Variants in USH2A observed in about 807,000 individuals in gnomAD.
USH2A encodes the protein Usher syndrome 2A (autosomal recessive, mild).
Under a neutral mutation model 538.9 loss-of-function variants are expected in USH2A, and 443 were observed. The ratio of observed to expected loss-of-function variants is 0.82; its 90% CI spans 0.76 to 0.89. The LOEUF is 0.89. Ranked by LOEUF, USH2A falls within the 40% of genes least tolerant of loss-of-function variation. The probability of loss-of-function intolerance (pLI) is 0.00; values close to 1 mark genes in which losing one functional copy is unlikely to be tolerated. For missense variants in USH2A, 6,633 were observed against 6,324.8 expected (o/e 1.05, Z -1.65); for synonymous variants, 2,413 against 2,273.5 (o/e 1.06, Z -1.75).
chr1:216,068,656 G>C (rs2031458635), intron 30 of USH2A, among the ~76,000 whole-genome samples: 1 of 152,092 alleles, frequency 6.6e-6, no homozygotes. Context: ...AAGAGTCAGG[G>C]TCCAGAGGAC....
chr1:216,379,572 A>T (rs1198147165), intron 3 of USH2A, among the ~76,000 whole-genome samples: 1 of 152,202 alleles, frequency 6.6e-6, no homozygotes, highest in Non-Finnish European at 1.5e-5. Flanking sequence ...TTAGACTTTT[A>T]AACTACCAGG....
chr1:216,178,377 C>T (rs1016054023), intron 20 of USH2A, among the ~76,000 whole-genome samples: 17 of 152,144 alleles, frequency 1.1e-4, no homozygotes, highest in Non-Finnish European at 1.3e-4. Context: ...GTTATGATCT[C>T]ACTTCAAAAT....
intron 44 of USH2A, among the ~76,000 whole-genome samples, chr1:215,856,841 G>C (rs1664184036): frequency 9.9e-6 from 1 of 100,846 alleles, no homozygotes; most frequent in South Asian, 2.9e-4. Context: ...TGGTGTGTGT[G>C]TGTGTGTGTG....
rs370500253 is a variant in USH2A, at chr1:216,065,402, C to T, written c.6049+4699G>A. 3.3e-5 allele frequency among the ~76,000 whole-genome samples: 5 copies of T among 152,188 alleles called. No homozygotes were observed. In the South Asian group the frequency reaches 1.0e-3, roughly 32 times the overall value. ...TGGGGAATATATATTTTTAAAAAAT[C>T]ACACATAGAATATTGAACATTTTAA... On this transcript the variant is annotated intron_variant, in intron 30 of 71. Coordinates refer to ENST00000307340, the MANE Select transcript of USH2A (RefSeq NM_206933.4).
intron 50 of USH2A, among the ~76,000 whole-genome samples, chr1:215,798,187 C>T (rs1458846605): frequency 6.6e-6 from 1 of 152,148 alleles, no homozygotes; most frequent in African/African-American, 2.4e-5. Flanking sequence ...TGAGGAGTTG[C>T]TTCTTAGGGA....
At chr1:215,849,137 G>T (rs193161515) in intron 44 of USH2A, among the ~76,000 whole-genome samples, 2 of 152,180 alleles carry the variant, frequency 1.3e-5, no homozygotes, top group East Asian at 3.9e-4. Flanking sequence ...AAGTTACAAG[G>T]CTTCTTCCTA....
intron 44 of USH2A, among the ~76,000 whole-genome samples, chr1:215,854,558 G>A (rs932784014): frequency 2.0e-5 from 3 of 152,216 alleles, no homozygotes; most frequent in African/African-American, 7.2e-5. Flanking sequence ...AAGTTTCAGA[G>A]TGGAGGTTTA....
intron 21 of USH2A, among the ~76,000 whole-genome samples, chr1:216,166,949 T>C (rs778634613): frequency 6.6e-6 from 1 of 152,100 alleles, no homozygotes; most frequent in Non-Finnish European, 1.5e-5. Context: ...TGACTTTAGA[T>C]GGCTTGAGGG....
intron 43 of USH2A, among the ~76,000 whole-genome samples, chr1:215,867,759 T>G (rs1416084079): frequency 6.6e-6 from 1 of 152,228 alleles, no homozygotes; most frequent in Non-Finnish European, 1.5e-5. Context: ...TTTGCCATAG[T>G]GTGAACATAT....
At chr1:216,339,387 C>A (rs1021021238) in intron 4 of USH2A, among the ~76,000 whole-genome samples, 6 of 151,368 alleles carry the variant, frequency 4.0e-5, no homozygotes, top group Non-Finnish European at 5.9e-5. Flanking sequence ...CAATGTTTGA[C>A]CATTTTTAAT....
At chr1:216,250,772 C>A in intron 12 of USH2A, 131 bp downstream of exon 12, 1 of 932,390 alleles carries the variant, frequency 1.1e-6, no homozygotes. Context: ...TTAATTTCAT[C>A]CAAATTGTTT....
At chr1:215,765,665 T>A (rs1661107386) in intron 56 of USH2A, among the ~76,000 whole-genome samples, 1 of 146,302 alleles carries the variant, frequency 6.8e-6, no homozygotes, top group Admixed American at 6.6e-5. Flanking sequence ...AACACATGGG[T>A]AACCATTGCT....
At chr1:216,284,686 G>A (rs1436446122) in intron 11 of USH2A, among the ~76,000 whole-genome samples, 1 of 152,116 alleles carries the variant, frequency 6.6e-6, no homozygotes, top group Non-Finnish European at 1.5e-5. Context: ...CTCAGAAGAA[G>A]GTAGGAAAAT....
intron 44 of USH2A, among the ~76,000 whole-genome samples, chr1:215,854,455 T>A (rs1281986478): frequency 6.6e-6 from 1 of 152,152 alleles, no homozygotes; most frequent in African/African-American, 2.4e-5. Flanking sequence ...TTCACCACTT[T>A]TATTCAACAT....
intron 4 of USH2A, among the ~76,000 whole-genome samples, chr1:216,331,759 G>A (rs1057380737): frequency 2.6e-5 from 4 of 152,110 alleles, no homozygotes; most frequent in African/African-American, 4.8e-5. Flanking sequence ...CACTGAAAAT[G>A]TGAAATATTA....
chr1:215,647,738 G>A lies in USH2A; in HGVS notation c.14583-8C>T, dbSNP rs1558036587. 1 of 1,614,078 alleles carries A rather than the reference G, an allele frequency of 6.2e-7. No homozygotes were observed. Among genetic ancestry groups the A allele is most frequent in the East Asian group, 2.2e-5 (1 of 44,888 alleles). ...TGGAATTGGAGTTCATAGCTAAAAT[G>A]AGAATGGATACGTAGAGTCAAGACG... On this transcript the variant is annotated splice_polypyrimidine_tract_variant and splice_region_variant and intron_variant, in intron 66 of 71. Coordinates refer to ENST00000307340, the MANE Select transcript of USH2A (RefSeq NM_206933.4).
intron 11 of USH2A, among the ~76,000 whole-genome samples, chr1:216,267,165 G>A (rs1255819701): frequency 3.3e-5 from 5 of 152,038 alleles, no homozygotes; most frequent in Non-Finnish European, 5.9e-5. Flanking sequence ...TCAGGGATAT[G>A]GGAGGAAAAC....
chr1:216,194,775 C>T (rs2034800310), intron 19 of USH2A, among the ~76,000 whole-genome samples: 1 of 152,018 alleles, frequency 6.6e-6, no homozygotes, highest in African/African-American at 2.4e-5. Context: ...GAGCATATTC[C>T]ACATTTGAGA....
intron 21 of USH2A, among the ~76,000 whole-genome samples, chr1:216,112,331 G>T (rs1254930794): frequency 6.6e-6 from 1 of 151,864 alleles, no homozygotes; most frequent in East Asian, 1.9e-4. Context: ...AAATTACAAT[G>T]GAACTATAGA....
Sources: allele counts gnomAD v4.1 joint callset (sites outside exome capture counted in the v4.1 genomes callset), GRCh38; gene constraint gnomAD v4.1.1; transcripts MANE v1.5; gene names NCBI Gene and HGNC (gene_info 2026-07-23, HGNC 2026-07-21).